The following CAMK1D variants were observed in gnomAD, a reference collection of about 807,000 sequenced individuals.
The protein encoded by CAMK1D is calcium/calmodulin dependent protein kinase ID, also known as calcium/calmodulin-dependent protein kinase type 1D.
Under a neutral mutation model 47.7 loss-of-function variants are expected in CAMK1D, and 9 were observed. The ratio of observed to expected loss-of-function variants is 0.19; its 90% CI spans 0.11 to 0.33. CAMK1D has a LOEUF of 0.33. Ranked by LOEUF, CAMK1D falls within the 10% of genes least tolerant of loss-of-function variation. The pLI, the probability that CAMK1D is intolerant of heterozygous loss-of-function variation, is 1.00. For synonymous variants in CAMK1D, 184 were observed against 184.9 expected (o/e 0.99, Z 0.04); for missense variants, 291 against 488.7 (o/e 0.60, Z 3.81).
intron 3 of CAMK1D, among the ~76,000 whole-genome samples, chr10:12,752,046 A>G (rs187230677): frequency 1.1e-4 from 17 of 151,674 alleles, no homozygotes; most frequent in Non-Finnish European, 1.8e-4. Flanking sequence ...CAATGGCGCA[A>G]TCTCGGCTCA....
intron 2 of CAMK1D, among the ~76,000 whole-genome samples, chr10:12,572,502 T>A (rs1205405974): frequency 1.3e-5 from 2 of 152,296 alleles, no homozygotes; most frequent in Admixed American, 1.3e-4. Context: ...GGATGATTCC[T>A]GTGGTGGTGT....
At chr10:12,362,843 A>G (rs1459274739) in intron 1 of CAMK1D, among the ~76,000 whole-genome samples, 1 of 150,918 alleles carries the variant, frequency 6.6e-6, no homozygotes, top group Non-Finnish European at 1.5e-5. Context: ...ACGGGGTTTC[A>G]CTGTCTTAGC....
At chr10:12,416,987 G>A (rs947198826) in intron 1 of CAMK1D, among the ~76,000 whole-genome samples, 2 of 152,112 alleles carry the variant, frequency 1.3e-5, no homozygotes, top group South Asian at 2.1e-4. Flanking sequence ...GGGGCCCGGG[G>A]TCACACTGCT....
intron 2 of CAMK1D, among the ~76,000 whole-genome samples, chr10:12,564,147 GTCTCTCTC>G (rs56063700): frequency 0.25 from 34,347 of 139,500 alleles, 4,244 homozygotes; most frequent in Middle Eastern, 0.28. Flanking sequence ...CTCTCTCTCT[GTCTCTCTC>G]TCTCTCTCTC....
At chr10:12,553,718 T>G (rs535917129) in intron 2 of CAMK1D, among the ~76,000 whole-genome samples, 2 of 152,310 alleles carry the variant, frequency 1.3e-5, no homozygotes, top group South Asian at 4.1e-4. Context: ...TTGTAAAGAT[T>G]TGGTGAGATG....
At chr10:12,430,596 C>G (rs1006884688) in intron 1 of CAMK1D, among the ~76,000 whole-genome samples, 10 of 152,194 alleles carry the variant, frequency 6.6e-5, no homozygotes, top group Non-Finnish European at 1.3e-4. Context: ...CACACTGAGA[C>G]CAGACAGCTG....
intron 3 of CAMK1D, among the ~76,000 whole-genome samples, chr10:12,677,051 G>C (rs931136050): frequency 3.9e-5 from 6 of 152,196 alleles, no homozygotes; most frequent in Non-Finnish European, 8.8e-5. Flanking sequence ...ATATTAATTT[G>C]GTTCCTGGTA....
chr10:12,656,502 GAGAAA>G (rs761956115), intron 2 of CAMK1D, among the ~76,000 whole-genome samples: 1 of 152,024 alleles, frequency 6.6e-6, no homozygotes, highest in Admixed American at 6.6e-5. Flanking sequence ...TCAAAAAAAA[GAGAAA>G]AGAAAAAAAC....
intron 1 of CAMK1D, among the ~76,000 whole-genome samples, chr10:12,387,442 ATTTTATAT>A (rs1838557373): frequency 2.0e-5 from 1 of 49,808 alleles, no homozygotes; most frequent in Non-Finnish European, 4.0e-5. Flanking sequence ...TATTATATAT[ATTTTATAT>A]ATATATATAT....
At chr10:12,595,501 G>A (rs185877444) in intron 2 of CAMK1D, among the ~76,000 whole-genome samples, 1 of 152,224 alleles carries the variant, frequency 6.6e-6, no homozygotes, top group East Asian at 1.9e-4. Context: ...CTTGGGCCTG[G>A]TCCCTGGGAC....
intron 2 of CAMK1D, among the ~76,000 whole-genome samples, chr10:12,570,031 C>G (rs564495093): frequency 1.3e-5 from 2 of 151,908 alleles, no homozygotes; most frequent in East Asian, 3.9e-4. Context: ...GAAACCGCAT[C>G]TCAACTAAAA....
intron 2 of CAMK1D, among the ~76,000 whole-genome samples, chr10:12,611,536 G>T (rs369876413): frequency 6.7e-6 from 1 of 148,190 alleles, no homozygotes; most frequent in South Asian, 2.2e-4. Flanking sequence ...CCTGCCCACT[G>T]AATGAAACCT....
At chr10:12,387,087 C>T (rs1838519091) in intron 1 of CAMK1D, among the ~76,000 whole-genome samples, 1 of 150,928 alleles carries the variant, frequency 6.6e-6, no homozygotes, top group Admixed American at 6.6e-5. Flanking sequence ...ACCTGTAGTC[C>T]CAGCTACTCA....
intron 2 of CAMK1D, among the ~76,000 whole-genome samples, chr10:12,566,662 A>G (rs763092420): frequency 3.3e-5 from 5 of 152,174 alleles, no homozygotes; most frequent in Non-Finnish European, 7.3e-5. Context: ...AGCCAGAAGG[A>G]TGGTTTCTGA....
intron 3 of CAMK1D, among the ~76,000 whole-genome samples, chr10:12,757,464 C>A (rs1028272116): frequency 6.6e-6 from 1 of 152,092 alleles, no homozygotes; most frequent in African/African-American, 2.4e-5. Context: ...TCAAAAAAAA[C>A]CTCTCAGTCA....
At chr10:12,380,583 C>T (rs76968364) in intron 1 of CAMK1D, among the ~76,000 whole-genome samples, 37 of 152,260 alleles carry the variant, frequency 2.4e-4, no homozygotes, top group East Asian at 1.5e-3. Context: ...CTCAGCTGGG[C>T]GCAGTGGCTC....
At chr10:12,425,264 T>TTTTC (rs148930488) in intron 1 of CAMK1D, among the ~76,000 whole-genome samples, 30,528 of 146,372 alleles carry the variant, frequency 0.21, 3,385 homozygotes, top group Non-Finnish European at 0.23. Context: ...TGCCCCTTTC[T>TTTTC]TTTCTTTCTT....
In CAMK1D at chr10:12,721,166, C is replaced by T. The variant is rs17152141; in HGVS notation, c.300-39782C>T. ...GGGCTAATGTCTAGAGAAGCTTGGA[C>T]GTACAGAATAGCGTGGCCGTTAGTC... On this transcript the variant is annotated intron_variant, in intron 3 of 10. Coordinates refer to ENST00000619168, the MANE Select transcript of CAMK1D (RefSeq NM_153498.4). Among the ~76,000 whole-genome samples the T allele has an allele frequency of 5.2e-3, 799 of 152,334 alleles. 5 individuals carry two copies. Among genetic ancestry groups the T allele is most frequent in the African/African-American group, 0.018 (759 of 41,572 alleles).
intron 1 of CAMK1D, among the ~76,000 whole-genome samples, chr10:12,436,336 C>G (rs1832633939): frequency 6.6e-6 from 1 of 152,180 alleles, no homozygotes; most frequent in Non-Finnish European, 1.5e-5. Context: ...TTCACATTCA[C>G]TGGAAGCCAC....
Sources: gnomAD v4.1 joint callset for allele counts (sites outside exome capture counted in the v4.1 genomes callset) on GRCh38, gnomAD v4.1.1 for gene constraint, MANE v1.5 for transcripts, NCBI Gene and HGNC (gene_info 2026-07-23, HGNC 2026-07-21) for gene names.